Variants in TBC1D20 observed in about 807,000 individuals in gnomAD.
The protein encoded by TBC1D20 is chromosome 20 open reading frame 140.
A neutral mutation model predicts 41.6 loss-of-function variants in TBC1D20; 12 were observed. That is an observed-to-expected ratio of 0.29 (90% CI 0.18 to 0.47). TBC1D20 has a LOEUF of 0.47. Among genes scored for constraint, TBC1D20 ranks in the 20% least tolerant of loss-of-function variants. The pLI is 1.00. For missense variants in TBC1D20, 421 were observed against 517.4 expected, an observed-to-expected ratio of 0.81 and a Z score of 1.81; for synonymous variants, 205 against 204.8, an observed-to-expected ratio of 1.00 and a Z score of -0.01.
Position 447,896 on chromosome 20 carries a change from A to G in TBC1D20, c.249T>C (p.Pro83=). The change falls in exon 2 of 8, where the codon CCT becomes CCC. Residue 83 remains proline (P), a synonymous_variant. Coordinates refer to ENST00000354200, the MANE Select transcript of TBC1D20 (RefSeq NM_144628.4). ...CTCCCCCACTCCCCTTACCTGATAT[A>G]GGAGGTGGGTCATTGGCATTGACAT... ...LLNVNANDPP[P]ISGKNLRQMS... is the part of the protein sequence containing the mutation. 1 of 1,611,260 alleles carries G rather than the reference A, an allele frequency of 6.2e-7. No homozygotes were observed. Among genetic ancestry groups the G allele is most frequent in the East Asian group, 2.2e-5 (1 of 44,828 alleles).
At chr20:453,641 G>C (rs1286744319) in intron 1 of TBC1D20, among the ~76,000 whole-genome samples, 1 of 138,288 alleles carries the variant, frequency 7.2e-6, no homozygotes, top group Admixed American at 7.1e-5. Context: ...CACCTCCCAG[G>C]TTCAAGTGAT....
chr20:450,780 C>T (rs558775377), intron 1 of TBC1D20: 2 of 152,226 alleles, frequency 1.3e-5, no homozygotes, highest in Non-Finnish European at 2.9e-5. Flanking sequence ...AAATAAATAA[C>T]TTTTTTGGGA....
At chr20:443,726 T>C (rs2017279893) in intron 3 of TBC1D20, among the ~76,000 whole-genome samples, 1 of 151,866 alleles carries the variant, frequency 6.6e-6, no homozygotes, top group African/African-American at 2.4e-5. Context: ...CAGAAGACCA[T>C]GAATGGAAAA....
rs2017181265 is a variant in TBC1D20, at chr20:439,299, TG to T, written c.769-5del. 3 of 1,600,858 alleles carry T rather than the reference TG, an allele frequency of 1.9e-6. No homozygotes were observed. Among genetic ancestry groups the T allele is most frequent in the Non-Finnish European group, 2.6e-6 (3 of 1,173,146 alleles). ...CCTGCTCGCGATACAACACAATCTG[TG>T]GGGAGGTAGTAAAGCCTTGCAGTCA... On this transcript the variant is annotated splice_polypyrimidine_tract_variant and splice_region_variant and intron_variant, in intron 6 of 7. Coordinates refer to ENST00000354200, the MANE Select transcript of TBC1D20 (RefSeq NM_144628.4). This position sits in a 1 kb window ranked among gnomAD's most constrained non-coding sequence, Gnocchi z 4.6.
Position 462,471 on chromosome 20 carries a change from C to T in TBC1D20, c.-66G>A. The T allele has an allele frequency of 3.0e-6, 3 of 1,003,646 alleles. No individual in the cohort carries two copies. Among genetic ancestry groups the T allele is most frequent in the Non-Finnish European group, 3.8e-6 (3 of 790,736 alleles). 62.2% of individuals were successfully genotyped at this position (1,003,646 alleles called of 1,614,324 possible). Reference sequence around the variant, plus strand: ...GCGGAGCCGGGAGAAGACGCGGCTCCGACCGCGGGACGTAGCACCCGCTCG... The same window carrying T: ...GCGGAGCCGGGAGAAGACGCGGCTCTGACCGCGGGACGTAGCACCCGCTCG... On this transcript the variant is annotated 5_prime_UTR_variant, in exon 1 of 8. Coordinates refer to ENST00000354200, the MANE Select transcript of TBC1D20 (RefSeq NM_144628.4).
intron 1 of TBC1D20, among the ~76,000 whole-genome samples, chr20:459,928 A>G (rs1600346097): frequency 6.6e-6 from 1 of 152,320 alleles, no homozygotes; most frequent in Non-Finnish European, 1.5e-5. Context: ...GGCATGTCCA[A>G]AATCACCTGG....
chr20:443,221 TA>T (rs1276786524), intron 3 of TBC1D20, among the ~76,000 whole-genome samples: 1 of 152,102 alleles, frequency 6.6e-6, no homozygotes, highest in Non-Finnish European at 1.5e-5. Context: ...TATATAAAAA[TA>T]AAAAAATTTT....
chr20:443,386 A>G (rs1027680092), intron 3 of TBC1D20, among the ~76,000 whole-genome samples: 1 of 152,212 alleles, frequency 6.6e-6, no homozygotes, highest in Non-Finnish European at 1.5e-5. Flanking sequence ...TGCCAGCAGT[A>G]AAAATGCCTT....
At chr20:451,599 C>T (rs2017443700) in intron 1 of TBC1D20, among the ~76,000 whole-genome samples, 1 of 152,158 alleles carries the variant, frequency 6.6e-6, no homozygotes, top group Non-Finnish European at 1.5e-5. Context: ...ACCTACCTAT[C>T]TTTGGTGTCT....
chr20:460,645 C>G (rs2017614546), intron 1 of TBC1D20, among the ~76,000 whole-genome samples: 1 of 151,912 alleles, frequency 6.6e-6, no homozygotes, highest in Non-Finnish European at 1.5e-5. Flanking sequence ...AAGCAGGTAC[C>G]AAGAAAGAAT....
rs147094815 is a variant in TBC1D20, at chr20:437,514, C to T, written c.*1072G>A. The T allele has an allele frequency of 1.2e-4, 18 of 152,508 alleles. No individual in the cohort carries two copies. Among genetic ancestry groups the T allele is most frequent in the African/African-American group, 4.1e-4 (17 of 41,516 alleles). The allele number at this position is 152,508 out of a possible 1,614,324, so 9.4% of individuals were successfully genotyped here. A position where few individuals can be genotyped will look rare whatever the true frequency, so the allele number is the denominator to read the frequency against. On this transcript the variant is annotated 3_prime_UTR_variant, in exon 8 of 8. Coordinates refer to ENST00000354200, the MANE Select transcript of TBC1D20 (RefSeq NM_144628.4). ...CTGGAGAGTCTTTGCAAGTTTCCAA[C>T]GACATTTCCAACCAGGTGGGAGAGA...
At chr20:454,295 G>GAA (rs5839860) in intron 1 of TBC1D20, among the ~76,000 whole-genome samples, 15 of 145,910 alleles carry the variant, frequency 1.0e-4, no homozygotes, top group South Asian at 2.1e-4. Flanking sequence ...AAGAAAAAAG[G>GAA]AAAAAAAAAA....
Position 454,104 on chromosome 20 carries a change from G to A in TBC1D20, c.71-6030C>T, listed in dbSNP as rs866904427. On this transcript the variant is annotated intron_variant, in intron 1 of 7. Coordinates refer to ENST00000354200, the MANE Select transcript of TBC1D20 (RefSeq NM_144628.4). ...AAAAATACAAAAAAATTAGCCAGGC[G>A]TGGTGGCGGGCGCCTGTAGTCCCAG... Among the ~76,000 whole-genome samples, 13 of 150,966 alleles carry A rather than the reference G, an allele frequency of 8.6e-5. 1 individual carries two copies. The highest frequency in any genetic ancestry group is 2.0e-4 in the East Asian group (1 of 5,100).
chr20:447,487 A>G (rs1023713507), intron 2 of TBC1D20, among the ~76,000 whole-genome samples: 8 of 151,598 alleles, frequency 5.3e-5, no homozygotes, highest in Admixed American at 5.3e-4. Context: ...GCAAAACCCC[A>G]TCTCTACTAA....
chr20:443,172 C>A (rs1054140165), intron 3 of TBC1D20, among the ~76,000 whole-genome samples: 4 of 152,174 alleles, frequency 2.6e-5, no homozygotes, highest in Admixed American at 1.3e-4. Context: ...CTGGGGAATT[C>A]TTTGTCCTAT....
Position 440,411 on chromosome 20 carries a change from G to A in TBC1D20, c.627-22C>T, listed in dbSNP as rs140225605. ...AGCACTAGAAACAAAGGAAAGGCAGGTGTCAGGTCCTGTGGGCCATCCCTT... is the reference window on the plus strand; with the variant it reads ...AGCACTAGAAACAAAGGAAAGGCAGATGTCAGGTCCTGTGGGCCATCCCTT... On this transcript the variant is annotated intron_variant, in intron 5 of 7. Transcript: ENST00000354200. 2.3e-4 allele frequency: 366 copies of A among 1,613,704 alleles called. 1 individual carries two copies. The East Asian group carries it at 6.4e-3, about 28-fold the overall frequency.
At position 448,081 on chromosome 20, in the gene TBC1D20, A is replaced by G; in HGVS notation, c.71-7T>C. On this transcript the variant is annotated splice_region_variant and splice_polypyrimidine_tract_variant and intron_variant, in intron 1 of 7. Transcript: ENST00000354200. ...TTCCTTTTGGCGTTAAAGTCTGAAG[A>G]TAAGGATAGGGAAGAATTAGGCGCA... The G allele has an allele frequency of 1.2e-6, 2 of 1,608,754 alleles. No homozygotes were observed. The highest frequency in any genetic ancestry group is 1.1e-5 in the South Asian group (1 of 90,964).
intron 1 of TBC1D20, among the ~76,000 whole-genome samples, chr20:456,811 C>CT (rs1312848134): frequency 2.0e-5 from 3 of 152,056 alleles, no homozygotes; most frequent in Non-Finnish European, 4.4e-5. Flanking sequence ...GGTGATCTGC[C>CT]TGCCTCGGCC....
At chr20:447,345 A>G (rs1311435256) in intron 2 of TBC1D20, among the ~76,000 whole-genome samples, 1 of 152,006 alleles carries the variant, frequency 6.6e-6, no homozygotes, top group Non-Finnish European at 1.5e-5. Context: ...TTGCCTAGCC[A>G]ATATTTTAAT....
Sources: allele counts gnomAD v4.1 joint callset (sites outside exome capture counted in the v4.1 genomes callset), GRCh38; gene constraint gnomAD v4.1.1; non-coding constraint Gnocchi (gnomAD v3.1); transcripts MANE v1.5; gene names NCBI Gene and HGNC (gene_info 2026-07-23, HGNC 2026-07-21).